The following CASP9 variants were observed in gnomAD, a reference collection of about 807,000 sequenced individuals.
CASP9 encodes caspase-9.
In CASP9, 29 loss-of-function variants were observed where a neutral mutation model predicts 43.5. The observed-to-expected ratio is 0.67, with a 90% confidence interval of 0.50 to 0.91. The LOEUF (loss-of-function observed/expected upper bound fraction) is 0.91, where lower values mean the gene tolerates loss of function less well. Ranked by LOEUF, CASP9 falls within the 40% of genes least tolerant of loss-of-function variation. CASP9 has a pLI of 0.00. For synonymous variants in CASP9, 206 were observed against 211.9 expected (o/e 0.97, Z 0.24); for missense variants, 575 against 537.4 (o/e 1.07, Z -0.69).
Position 15,495,464 on chromosome 1 carries a change from A to G in CASP9, c.869-12T>C, listed in dbSNP as rs2020904. On this transcript the variant is annotated splice_polypyrimidine_tract_variant and intron_variant, in intron 6 of 8. Coordinates refer to ENST00000333868, the MANE Select transcript of CASP9 (RefSeq NM_001229.5). ...ATGGTCTTTCTGCTCTGCAGGAAGC[A>G]GAAACAAACACCTCTTGTCATTGAA... is the stretch of plus-strand genomic sequence containing the variant. 1.2e-3 allele frequency: 1,950 copies of G among 1,561,660 alleles called. 35 individuals carry two copies. The South Asian group carries it at 0.021, about 17-fold the overall frequency.
intron 6 of CASP9, among the ~76,000 whole-genome samples, chr1:15,499,438 T>C (rs548148495): frequency 5.8e-4 from 88 of 152,348 alleles, no homozygotes; most frequent in African/African-American, 2.0e-3. Context: ...TTTGTACTTC[T>C]TGCACTATGG....
At chr1:15,507,972 C>G in intron 2 of CASP9, 65 bp from the exon 3 acceptor site, 1 of 1,530,492 alleles carries the variant, frequency 6.5e-7, no homozygotes, top group Non-Finnish European at 9.1e-7. Context: ...GCAAGGGGCT[C>G]TGTGAGGACA....
intron 2 of CASP9, among the ~76,000 whole-genome samples, chr1:15,512,445 G>T (rs1709790182): frequency 6.6e-6 from 1 of 152,146 alleles, no homozygotes; most frequent in South Asian, 2.1e-4. Flanking sequence ...GGGAGAATTT[G>T]ATCTCTCTCT....
chr1:15,516,748 C>T (rs906344197), intron 2 of CASP9, among the ~76,000 whole-genome samples: 9 of 152,226 alleles, frequency 5.9e-5, no homozygotes, highest in Non-Finnish European at 1.3e-4. Flanking sequence ...CAGAACTAGA[C>T]GCACATGCAA....
intron 6 of CASP9, among the ~76,000 whole-genome samples, chr1:15,500,985 G>A (rs1709307580): frequency 6.6e-6 from 1 of 152,192 alleles, no homozygotes; most frequent in Non-Finnish European, 1.5e-5. Context: ...CTTGCCTAGG[G>A]TGTTCTGCAC....
chr1:15,514,511 T>A (rs1032005715), intron 2 of CASP9, among the ~76,000 whole-genome samples: 1 of 152,136 alleles, frequency 6.6e-6, no homozygotes, highest in African/African-American at 2.4e-5. Flanking sequence ...GGACAGTCGC[T>A]CTATTAAGCC....
chr1:15,500,819 T>C (rs1006502186), intron 6 of CASP9, among the ~76,000 whole-genome samples: 1 of 142,908 alleles, frequency 7.0e-6, no homozygotes, highest in Non-Finnish European at 1.5e-5. Context: ...GGGATGCCGT[T>C]AAGAATGGCC....
At chr1:15,524,695 C>G (rs1570886663), upstream of CASP9, 3 of 1,049,284 alleles carry the variant, frequency 2.9e-6, no homozygotes, top group East Asian at 2.3e-4. Context: ...TTCAGGACGC[C>G]TCCGCGCCTC....
chr1:15,507,686 C>A, intron 3 of CASP9, 187 bp downstream of exon 3: 1 of 611,108 alleles, frequency 1.6e-6, no homozygotes, highest in Non-Finnish European at 2.9e-6. Flanking sequence ...GATGAGGAAG[C>A]GCAGAGATGA....
chr1:15,509,502 G>A lies in CASP9; in HGVS notation c.419-1595C>T, dbSNP rs536568019. Reference sequence around the variant, plus strand: ...AAAGAAAAATTAGCCAGGCGAGGGGGCAGGCGCCTGTAATCCCAGCTACTC... The same window carrying A: ...AAAGAAAAATTAGCCAGGCGAGGGGACAGGCGCCTGTAATCCCAGCTACTC... On this transcript the variant is annotated intron_variant, in intron 2 of 8. Coordinates refer to ENST00000333868, the MANE Select transcript of CASP9 (RefSeq NM_001229.5). Among the ~76,000 whole-genome samples, 243 of 151,394 alleles carry A rather than the reference G, an allele frequency of 1.6e-3. 4 individuals are homozygous for A. In the South Asian group the frequency reaches 0.018, roughly 11 times the overall value.
At chr1:15,507,994 A>C in intron 2 of CASP9, 87 bp from the exon 3 acceptor site, 1 of 1,403,478 alleles carries the variant, frequency 7.1e-7, no homozygotes, top group Non-Finnish European at 1.0e-6. Flanking sequence ...CCCCCCAAGA[A>C]CGGAGCAGCG....
chr1:15,507,764 T>C, intron 3 of CASP9, 109 bp downstream of exon 3: 1 of 1,041,740 alleles, frequency 9.6e-7, no homozygotes, highest in Non-Finnish European at 1.5e-6. Flanking sequence ...CTGCACTGCC[T>C]AGGGTTGGGT....
At chr1:15,520,885 C>T (rs1490211952) in intron 1 of CASP9, among the ~76,000 whole-genome samples, 7 of 152,002 alleles carry the variant, frequency 4.6e-5, no homozygotes, top group Admixed American at 2.6e-4. Flanking sequence ...TGGCTGGGCG[C>T]GGTGGCTCAA....
upstream of CASP9, chr1:15,524,788 T>G (rs1377319784): frequency 3.0e-6 from 3 of 989,502 alleles, no homozygotes; most frequent in African/African-American, 5.7e-5. Context: ...CCGGGACGCA[T>G]CTAGAAGGTC....
rs1557541472 is a variant in CASP9 at position 15,504,637 on chromosome 1, A to G, written c.842T>C (p.Leu281Pro). Residue 281 changes from leucine to proline, a missense_variant, in exon 6 of 9, where the codon CTC becomes CCC. Coordinates refer to ENST00000333868, the MANE Select transcript of CASP9 (RefSeq NM_001229.5). The stretch of plus-strand genomic sequence containing the variant: ...CCCACCACAGGCCTGGATGAAAAAG[A>G]GCTTGGGCTTCCCTCCCAGGCTGGG... ...SCPSLGGKPKLFFIQACGGEQ... is the reference protein window; with the variant it reads ...SCPSLGGKPKPFFIQACGGEQ... The G allele has an allele frequency of 1.9e-6, 3 of 1,613,986 alleles. No homozygotes were observed. The highest frequency in any genetic ancestry group is 1.7e-5 in the Admixed American group (1 of 60,002).
intron 2 of CASP9, 141 bp downstream of exon 2, chr1:15,517,969 A>G: frequency 1.0e-6 from 1 of 967,038 alleles, no homozygotes; most frequent in Non-Finnish European, 1.6e-6. Flanking sequence ...AAAACCTCCC[A>G]GAATTTTGCC....
intron 1 of CASP9, among the ~76,000 whole-genome samples, chr1:15,518,969 G>C (rs925475467): frequency 1.3e-5 from 2 of 152,004 alleles, no homozygotes; most frequent in South Asian, 2.1e-4. Context: ...CCAACTCCAA[G>C]GTTCAAGCGA....
intron 7 of CASP9, 114 bp downstream of exon 7, chr1:15,495,159 G>T (rs777611316): frequency 8.6e-5 from 86 of 996,436 alleles, no homozygotes; most frequent in Non-Finnish European, 1.2e-4. Flanking sequence ...TCACAGAGGG[G>T]CAAAAGACAG....
At chr1:15,515,723 A>C (rs1269178324) in intron 2 of CASP9, among the ~76,000 whole-genome samples, 2 of 152,230 alleles carry the variant, frequency 1.3e-5, no homozygotes, top group Non-Finnish European at 2.9e-5. Flanking sequence ...GAATGTGGGA[A>C]AGTGGTCACC....
Sources: allele counts gnomAD v4.1 joint callset (sites outside exome capture counted in the v4.1 genomes callset), GRCh38; gene constraint gnomAD v4.1.1; transcripts MANE v1.5; gene names NCBI Gene and HGNC (gene_info 2026-07-23, HGNC 2026-07-21).